The following GMPR variants were observed in gnomAD, a reference collection of about 807,000 sequenced individuals.
GMPR encodes the protein GMP reductase 1.
In GMPR, 31 loss-of-function variants were observed where a neutral mutation model predicts 38.4. The observed-to-expected ratio is 0.81, with a 90% CI of 0.61 to 1.09. GMPR has a LOEUF of 1.09. Ranked by LOEUF, GMPR falls within the 50% of genes least tolerant of loss-of-function variation. The pLI is 0.00. For synonymous variants in GMPR, 162 were observed against 173.3 expected (o/e 0.93, Z 0.51); for missense variants, 468 against 453.7 (o/e 1.03, Z -0.29).
chr6:16,259,930 G>A (rs536695674), intron 4 of GMPR, among the ~76,000 whole-genome samples: 2 of 152,234 alleles, frequency 1.3e-5, no homozygotes, highest in Admixed American at 1.3e-4. Flanking sequence ...ACAAGAGCAG[G>A]GCATGTATGA....
intron 7 of GMPR, 96 bp downstream of exon 7, chr6:16,285,931 G>T: frequency 9.5e-7 from 1 of 1,053,808 alleles, no homozygotes; most frequent in Non-Finnish European, 1.4e-6. Flanking sequence ...GGGGGACCTG[G>T]TGGGGAAGTT....
intron 4 of GMPR, among the ~76,000 whole-genome samples, chr6:16,259,805 TC>T (rs1256233687): frequency 6.6e-6 from 1 of 152,128 alleles, no homozygotes; most frequent in Non-Finnish European, 1.5e-5. Flanking sequence ...TTCAGCATAG[TC>T]CTGTCAGCAA....
intron 6 of GMPR, among the ~76,000 whole-genome samples, chr6:16,284,856 CTA>C (rs1459730633): frequency 1.3e-5 from 2 of 151,888 alleles, no homozygotes; most frequent in Non-Finnish European, 2.9e-5. Flanking sequence ...CCCGTCTCTA[CTA>C]AAAGTACAAA....
intron 4 of GMPR, among the ~76,000 whole-genome samples, chr6:16,267,948 A>T (rs974355260): frequency 6.6e-6 from 1 of 152,172 alleles, no homozygotes; most frequent in Non-Finnish European, 1.5e-5. Flanking sequence ...GCCTGCCCAC[A>T]TTCTTTCTCA....
chr6:16,246,002 G>T (rs1758744086), intron 1 of GMPR, among the ~76,000 whole-genome samples: 1 of 152,200 alleles, frequency 6.6e-6, no homozygotes. Flanking sequence ...AGCCAGAAAT[G>T]AACTTGAGAA....
intron 6 of GMPR, 53 bp from the exon 7 acceptor site, chr6:16,285,740 C>G: frequency 6.6e-7 from 1 of 1,504,462 alleles, no homozygotes; most frequent in Admixed American, 1.7e-5. Context: ...GAGGGGACAG[C>G]CTGGCTGAGC....
chr6:16,278,000 C>T (rs1177217157), intron 5 of GMPR, among the ~76,000 whole-genome samples: 1 of 152,066 alleles, frequency 6.6e-6, no homozygotes, highest in African/African-American at 2.4e-5. Flanking sequence ...GGTCAGAGTG[C>T]GACTTGGCCT....
At chr6:16,254,851 C>T in intron 4 of GMPR, 116 bp downstream of exon 4, 1 of 690,738 alleles carries the variant, frequency 1.4e-6, no homozygotes, top group Non-Finnish European at 2.5e-6. Flanking sequence ...CCTCTTTAGT[C>T]AAAGATTAAT....
chr6:16,247,242 G>A (rs1387613919), intron 2 of GMPR, among the ~76,000 whole-genome samples: 1 of 152,146 alleles, frequency 6.6e-6, no homozygotes, highest in East Asian at 1.9e-4. Context: ...GTGCCATATT[G>A]CAGAAAAGTG....
rs7769608 is a variant in GMPR at position 16,247,506 on chromosome 6, C to G, written c.207+545C>G. Among the ~76,000 whole-genome samples the G allele has an allele frequency of 1.5e-3, 230 of 152,188 alleles. 2 individuals are homozygous for G. Among genetic ancestry groups the G allele is most frequent in the African/African-American group, 5.4e-3 (223 of 41,524 alleles). On this transcript the variant is annotated intron_variant, in intron 2 of 8. Transcript: ENST00000259727. ...TCTCCTGCCTCAGCCTCCCAAGTAG[C>G]TAGGACTACAGGCACATGCCACCAT...
At chr6:16,277,131 G>A (rs1195172017) in intron 5 of GMPR, among the ~76,000 whole-genome samples, 1 of 152,210 alleles carries the variant, frequency 6.6e-6, no homozygotes, top group Non-Finnish European at 1.5e-5. Context: ...TTGCAGGGCG[G>A]GGGGAAGGCG....
intron 4 of GMPR, among the ~76,000 whole-genome samples, chr6:16,261,074 C>G (rs975501597): frequency 6.6e-6 from 1 of 151,860 alleles, no homozygotes; most frequent in Non-Finnish European, 1.5e-5. Context: ...CGGCGGCAGC[C>G]GCTGCACGGA....
chr6:16,278,814 G>C lies in GMPR; in HGVS notation c.578G>C (p.Gly193Ala). 6.2e-7 allele frequency: 1 copy of C among 1,614,066 alleles called. No individual in the cohort carries two copies. Among genetic ancestry groups the C allele is most frequent in the Non-Finnish European group, 8.5e-7 (1 of 1,179,882 alleles). ...GSVCTTRTKT[G>A]VGYPQLSAVI... is the part of the protein sequence containing the mutation. ...GTGTGCACCACCCGCACCAAGACGGGAGTGGGGTACCCCCAGCTGAGTGCC... is the reference window on the plus strand; with the variant it reads ...GTGTGCACCACCCGCACCAAGACGGCAGTGGGGTACCCCCAGCTGAGTGCC... Residue 193 changes from glycine to alanine, a missense_variant, in exon 6 of 9, where the codon GGA becomes GCA. Physicochemically the swap from Gly to Ala is moderately conservative, Grantham distance 60. Coordinates refer to ENST00000259727, the MANE Select transcript of GMPR (RefSeq NM_006877.4).
intron 1 of GMPR, among the ~76,000 whole-genome samples, chr6:16,243,696 G>A: frequency 6.6e-6 from 1 of 152,072 alleles, no homozygotes; most frequent in Non-Finnish European, 1.5e-5. Flanking sequence ...CTCTGTCCTG[G>A]GTCCCACGTC....
intron 2 of GMPR, 76 bp downstream of exon 2, chr6:16,247,037 T>C (rs1036321831): frequency 1.5e-6 from 2 of 1,375,888 alleles, no homozygotes; most frequent in Non-Finnish European, 2.0e-6. Flanking sequence ...ACCCTGGCTT[T>C]ATTCAGACAC....
At chr6:16,255,380 G>A (rs1487280082) in intron 4 of GMPR, among the ~76,000 whole-genome samples, 3 of 152,124 alleles carry the variant, frequency 2.0e-5, no homozygotes, top group South Asian at 2.1e-4. Flanking sequence ...GATTGAAAAC[G>A]TGACTGGGTT....
At chr6:16,254,846 T>A (rs1366454080) in intron 4 of GMPR, 111 bp downstream of exon 4, 2 of 710,374 alleles carry the variant, frequency 2.8e-6, no homozygotes, top group African/African-American at 3.5e-5. Context: ...TGGTGCCTCT[T>A]TAGTCAAAGA....
chr6:16,283,186 T>C (rs1006891561), intron 6 of GMPR, among the ~76,000 whole-genome samples: 6 of 152,248 alleles, frequency 3.9e-5, no homozygotes, highest in Admixed American at 6.5e-5. Flanking sequence ...ATGCCATTTG[T>C]ACTTAAATAT....
At chr6:16,251,731 A>G (rs1489177697) in intron 3 of GMPR, among the ~76,000 whole-genome samples, 1 of 152,128 alleles carries the variant, frequency 6.6e-6, no homozygotes, top group Non-Finnish European at 1.5e-5. Flanking sequence ...TTTCTTTGGG[A>G]GGGTTATGAA....
Sources: allele counts gnomAD v4.1 joint callset (sites outside exome capture counted in the v4.1 genomes callset), GRCh38; gene constraint gnomAD v4.1.1; transcripts MANE v1.5; gene names NCBI Gene and HGNC (gene_info 2026-07-23, HGNC 2026-07-21).